The following PSMB2 variants were observed in gnomAD, a reference collection of about 807,000 sequenced individuals.
PSMB2 encodes proteasome subunit beta type-2.
Under a neutral mutation model 25.7 loss-of-function variants are expected in PSMB2, and 13 were observed. That is an observed-to-expected ratio of 0.51 (90% CI 0.33 to 0.80). The LOEUF (loss-of-function observed/expected upper bound fraction) is 0.80. Among genes scored for constraint, PSMB2 ranks in the 30% least tolerant of loss-of-function variants. The pLI is 0.02. For synonymous variants in PSMB2, 87 were observed against 96.2 expected (o/e 0.90, Z 0.56); for missense variants, 202 against 259.0 (o/e 0.78, Z 1.51).
At chr1:35,606,803 T>C (rs1650183817) in intron 4 of PSMB2, among the ~76,000 whole-genome samples, 1 of 152,000 alleles carries the variant, frequency 6.6e-6, no homozygotes, top group African/African-American at 2.4e-5. Context: ...TCAAAATATA[T>C]CACAAAGTTG....
intron 3 of PSMB2, among the ~76,000 whole-genome samples, chr1:35,611,124 G>A (rs191718702): frequency 5.3e-5 from 8 of 152,156 alleles, no homozygotes; most frequent in African/African-American, 1.9e-4. Flanking sequence ...TCTTGCCTTT[G>A]CTTCAGCGGG....
intron 1 of PSMB2, among the ~76,000 whole-genome samples, chr1:35,640,947 T>C (rs1651374125): frequency 6.6e-6 from 1 of 152,004 alleles, no homozygotes; most frequent in Non-Finnish European, 1.5e-5. Context: ...TCCCAGCACT[T>C]TGGAAGGCCG....
intron 3 of PSMB2, among the ~76,000 whole-genome samples, chr1:35,615,400 C>T (rs1325749429): frequency 1.3e-5 from 2 of 152,228 alleles, no homozygotes; most frequent in Non-Finnish European, 2.9e-5. Flanking sequence ...GCAAACTTTA[C>T]TTAAGTTAGA....
Position 35,600,090 on chromosome 1 carries a change from C to A in PSMB2, c.*3177G>T. 1 of 832,064 alleles carries A rather than the reference C, an allele frequency of 1.2e-6. No individual in the cohort carries two copies. Among genetic ancestry groups the A allele is most frequent in the Non-Finnish European group, 1.4e-6 (1 of 690,410 alleles). The allele number at this position is 832,064 out of a possible 1,614,324, so 51.5% of individuals were successfully genotyped here. On this transcript the variant is annotated 3_prime_UTR_variant, in exon 6 of 6. Coordinates refer to ENST00000373237, the MANE Select transcript of PSMB2 (RefSeq NM_002794.5). ...GTTCAAGTGAACTTACTGCAGTAAG[C>A]TACGATCGTGCCACTGTACTCCAGC... is the stretch of plus-strand genomic sequence containing the variant.
chr1:35,620,653 G>A (rs532158439), intron 3 of PSMB2, among the ~76,000 whole-genome samples: 29 of 150,740 alleles, frequency 1.9e-4, no homozygotes, highest in African/African-American at 5.8e-4. Context: ...GCGTGAACCC[G>A]GGAGGCAGAG....
chr1:35,632,319 A>G (rs569008214), intron 2 of PSMB2, among the ~76,000 whole-genome samples: 2 of 152,368 alleles, frequency 1.3e-5, no homozygotes, highest in South Asian at 2.1e-4. Context: ...TTGGAGCTTA[A>G]TCCCCCTGTA....
At chr1:35,635,662 C>G (rs1651225148) in intron 2 of PSMB2, among the ~76,000 whole-genome samples, 1 of 151,818 alleles carries the variant, frequency 6.6e-6, no homozygotes, top group Non-Finnish European at 1.5e-5. Context: ...AACCCTGTCT[C>G]TACTAAAAAT....
In PSMB2 at chr1:35,613,574, G is replaced by A. The variant is rs565788333; in HGVS notation, c.286-4166C>T. The stretch of plus-strand genomic sequence containing the variant: ...AGAAAGCAATAAGTGCTACTTCTGA[G>A]AAGTGGTTCAAGTTTAAGTCAACTG... On this transcript the variant is annotated intron_variant, in intron 3 of 5. Transcript: ENST00000373237. 3.5e-4 allele frequency among the ~76,000 whole-genome samples: 53 copies of A among 152,318 alleles called. No individual in the cohort carries two copies. The South Asian group carries it at 7.0e-3, about 20-fold the overall frequency.
chr1:35,617,674 A>T lies in PSMB2; in HGVS notation c.286-8266T>A, dbSNP rs573907801. The stretch of plus-strand genomic sequence containing the variant: ...TAGATGTGGATAGGAAGGACTCCAG[A>T]TAGAGGAAACAGTATACGTGAAGAC... On this transcript the variant is annotated intron_variant, in intron 3 of 5. Transcript: ENST00000373237. Among the ~76,000 whole-genome samples the T allele has an allele frequency of 2.6e-5, 4 of 152,306 alleles. No individual in the cohort carries two copies. In the East Asian group the frequency reaches 7.7e-4, roughly 29 times the overall value.
chr1:35,612,126 T>G (rs1022082117), intron 3 of PSMB2, among the ~76,000 whole-genome samples: 1 of 152,200 alleles, frequency 6.6e-6, no homozygotes, highest in Non-Finnish European at 1.5e-5. Context: ...GAGAAATAAG[T>G]TGACCAGCAG....
In PSMB2 at chr1:35,599,640, G is replaced by A. The variant is rs920925249; in HGVS notation, c.*3627C>T. ...GGAATGCCTAGCATGTCAAATCAAA[G>A]AATTGGGCTTTATTCTCTTAAGCCA... On this transcript the variant is annotated 3_prime_UTR_variant, in exon 6 of 6. Transcript: ENST00000373237. 2 of 984,180 alleles carry A rather than the reference G, an allele frequency of 2.0e-6. No homozygotes were observed. The highest frequency in any genetic ancestry group is 1.7e-5 in the African/African-American group (1 of 57,216). 61.0% of individuals were successfully genotyped at this position (984,180 alleles called of 1,614,324 possible).
At chr1:35,635,119 C>T (rs1009125095) in intron 2 of PSMB2, among the ~76,000 whole-genome samples, 23 of 151,918 alleles carry the variant, frequency 1.5e-4, no homozygotes, top group Non-Finnish European at 2.9e-4. Context: ...ATTAGCCAGG[C>T]GTGGTGGCAC....
At chr1:35,633,589 G>A (rs1162905002) in intron 2 of PSMB2, among the ~76,000 whole-genome samples, 1 of 152,176 alleles carries the variant, frequency 6.6e-6, no homozygotes, top group Non-Finnish European at 1.5e-5. Context: ...GACAGCCAGT[G>A]AAGTCATACA....
At chr1:35,628,631 A>ATTTTTTTTT (rs138110586) in intron 3 of PSMB2, among the ~76,000 whole-genome samples, 6 of 38,052 alleles carry the variant, frequency 1.6e-4, no homozygotes, top group African/African-American at 6.4e-4. Flanking sequence ...ATATATATAT[A>ATTTTTTTTT]TTTTTTTTTT....
intron 3 of PSMB2, among the ~76,000 whole-genome samples, chr1:35,623,372 G>C (rs1254437884): frequency 6.6e-6 from 1 of 152,226 alleles, no homozygotes; most frequent in African/African-American, 2.4e-5. Flanking sequence ...AGCTGACTAA[G>C]GTTTGGTAGG....
chr1:35,599,558 C>CT lies in PSMB2; in HGVS notation c.*3708dup. On this transcript the variant is annotated 3_prime_UTR_variant, in exon 6 of 6. Transcript: ENST00000373237. ...CATGTAAATTTAGTTGGAACACAGG[C>CT]TTTATGAGGTGTAAAGGAGGGAAAG... 1.0e-6 allele frequency: 1 copy of CT among 984,578 alleles called. No homozygotes were observed. The highest frequency in any genetic ancestry group is 1.2e-6 in the Non-Finnish European group (1 of 829,266). 61.0% of individuals were successfully genotyped at this position (984,578 alleles called of 1,614,324 possible). A position where few individuals can be genotyped will look rare whatever the true frequency, so the allele number is the denominator to read the frequency against.
intron 5 of PSMB2, 38 bp downstream of exon 5, chr1:35,605,183 GCAAACAGAGAGA>G: frequency 6.5e-7 from 1 of 1,543,870 alleles, no homozygotes; most frequent in East Asian, 2.3e-5. Flanking sequence ...AACAACACTG[GCAAACAGAGAGA>G]CAAACATTCC....
At position 35,606,514 on chromosome 1, in the gene PSMB2, G is replaced by A. The variant is rs1377789422; in HGVS notation, c.449-1232C>T. On this transcript the variant is annotated intron_variant, in intron 4 of 5. Transcript: ENST00000373237. ...CAAGGAGATGAAAGACCTCTATAAC[G>A]AAAACTATAAAACACTGATGAAATA... Among the ~76,000 whole-genome samples the A allele has an allele frequency of 3.9e-5, 6 of 152,134 alleles. No individual in the cohort carries two copies. The South Asian group carries it at 6.2e-4, about 16-fold the overall frequency.
Position 35,600,508 on chromosome 1 carries a change from A to G in PSMB2, c.*2759T>C. ...AACCAAATTTATTCCAAAATAAAAC[A>G]TTTATTAAAAATAAATGATGCCTGG... On this transcript the variant is annotated 3_prime_UTR_variant, in exon 6 of 6. Coordinates refer to ENST00000373237, the MANE Select transcript of PSMB2 (RefSeq NM_002794.5). The G allele has an allele frequency of 1.0e-6, 1 of 982,084 alleles. No homozygotes were observed. The highest frequency in any genetic ancestry group is 1.2e-6 in the Non-Finnish European group (1 of 826,848). 60.8% of individuals were successfully genotyped at this position (982,084 alleles called of 1,614,324 possible). A position where few individuals can be genotyped will look rare whatever the true frequency, so the allele number is the denominator to read the frequency against.
Sources: gnomAD v4.1 joint callset for allele counts (sites outside exome capture counted in the v4.1 genomes callset) on GRCh38, gnomAD v4.1.1 for gene constraint, MANE v1.5 for transcripts, NCBI Gene and HGNC (gene_info 2026-07-23, HGNC 2026-07-21) for gene names.